The following TMEM74 variants were observed in gnomAD, a reference collection of about 807,000 sequenced individuals.
TMEM74 encodes the protein transmembrane protein 74.
Under a neutral mutation model 18.1 loss-of-function variants are expected in TMEM74, and 13 were observed. The observed-to-expected ratio is 0.72, with a 90% CI of 0.47 to 1.14. The LOEUF is 1.14. TMEM74 is among the 50% of genes most tolerant of loss of function. The pLI, the probability that TMEM74 is intolerant of heterozygous loss-of-function variation, is 0.00. For missense variants in TMEM74, 372 were observed against 375.9 expected (o/e 0.99, Z 0.09); for synonymous variants, 159 against 146.6 (o/e 1.08, Z -0.61).
At chr8:108,714,569 A>T (rs1380288975) in intron 1 of TMEM74, among the ~76,000 whole-genome samples, 1 of 152,236 alleles carries the variant, frequency 6.6e-6, no homozygotes, top group African/African-American at 2.4e-5. Flanking sequence ...GGGAACGCTT[A>T]TACACTGTTG....
intron 1 of TMEM74, among the ~76,000 whole-genome samples, chr8:108,661,987 A>C (rs1030964413): frequency 2.0e-5 from 3 of 152,150 alleles, no homozygotes; most frequent in Non-Finnish European, 4.4e-5. Context: ...TCCATCTCTG[A>C]TTTTCTACGA....
At chr8:108,764,179 G>T (rs1335292181) in intron 1 of TMEM74, among the ~76,000 whole-genome samples, 1 of 152,132 alleles carries the variant, frequency 6.6e-6, no homozygotes, top group Non-Finnish European at 1.5e-5. Flanking sequence ...CTCAATGGCA[G>T]ATTCAGTCTA....
At chr8:108,639,333 T>C (rs1219615759) in intron 2 of TMEM74, among the ~76,000 whole-genome samples, 3 of 152,156 alleles carry the variant, frequency 2.0e-5, no homozygotes, top group Non-Finnish European at 4.4e-5. Context: ...TTCCAGACTG[T>C]TTGACTCTAA....
chr8:108,767,156 G>A (rs533882383), intron 1 of TMEM74, among the ~76,000 whole-genome samples: 1 of 152,134 alleles, frequency 6.6e-6, no homozygotes, highest in Non-Finnish European at 1.5e-5. Context: ...AACCATCACA[G>A]TCTGAAACCT....
chr8:108,701,750 T>A (rs1174397069), intron 1 of TMEM74, among the ~76,000 whole-genome samples: 1 of 152,114 alleles, frequency 6.6e-6, no homozygotes, highest in Non-Finnish European at 1.5e-5. Flanking sequence ...AAAAAAGAAC[T>A]AAATAAACAG....
intron 1 of TMEM74, among the ~76,000 whole-genome samples, chr8:108,708,476 G>A (rs555670574): frequency 3.9e-5 from 6 of 152,062 alleles, no homozygotes; most frequent in Admixed American, 6.6e-5. Flanking sequence ...CTTTTGCAAC[G>A]GCTGAACTAA....
chr8:108,757,887 A>T (rs1813995887), intron 1 of TMEM74, among the ~76,000 whole-genome samples: 1 of 151,968 alleles, frequency 6.6e-6, no homozygotes, highest in African/African-American at 2.4e-5. Context: ...TGAAGCTTTG[A>T]TGTCCTGAAG....
Position 108,783,400 on chromosome 8 carries a change from C to A in TMEM74, c.*781G>T, listed in dbSNP as rs1814332635. On this transcript the variant is annotated 3_prime_UTR_variant, in exon 2 of 2. Coordinates refer to ENST00000297459, the MANE Select transcript of TMEM74 (RefSeq NM_153015.3). ...CAGCAGACTTCAAGAGCACAGATAACCAGTATGATGGCAAAATCACAAAAT... is the reference window on the plus strand; with the variant it reads ...CAGCAGACTTCAAGAGCACAGATAAACAGTATGATGGCAAAATCACAAAAT... 6.6e-6 allele frequency: 1 copy of A among 152,210 alleles called. No individual in the cohort carries two copies. Among genetic ancestry groups the A allele is most frequent in the African/African-American group, 2.4e-5 (1 of 41,430 alleles). The allele number at this position is 152,210 out of a possible 1,614,324, so 9.4% of individuals were successfully genotyped here.
At chr8:108,685,367 A>C (rs890852790) in intron 1 of TMEM74, among the ~76,000 whole-genome samples, 4 of 152,100 alleles carry the variant, frequency 2.6e-5, no homozygotes, top group Admixed American at 2.0e-4. Flanking sequence ...TCTATATGTA[A>C]GATCAGTCAT....
At chr8:108,674,591 A>G (rs1392817384) in intron 1 of TMEM74, among the ~76,000 whole-genome samples, 3 of 152,210 alleles carry the variant, frequency 2.0e-5, no homozygotes, top group African/African-American at 7.2e-5. Flanking sequence ...CTATAATCGA[A>G]CCATGTGCTT....
intron 2 of TMEM74, among the ~76,000 whole-genome samples, chr8:108,647,160 T>C (rs1812728147): frequency 6.6e-6 from 1 of 152,168 alleles, no homozygotes; most frequent in East Asian, 1.9e-4. Context: ...CTTTGCCTTC[T>C]GCCTTATGTA....
intron 1 of TMEM74, among the ~76,000 whole-genome samples, chr8:108,664,618 G>A (rs1812931645): frequency 6.6e-6 from 1 of 152,062 alleles, no homozygotes; most frequent in Admixed American, 6.6e-5. Flanking sequence ...CTAATTGGAT[G>A]CCTTTTATTT....
intron 1 of TMEM74, among the ~76,000 whole-genome samples, chr8:108,752,606 T>C (rs1030958653): frequency 6.6e-6 from 1 of 152,080 alleles, no homozygotes; most frequent in Non-Finnish European, 1.5e-5. Context: ...AACAACCTAA[T>C]TGCATGATTT....
rs1291674684 is a variant in TMEM74, at chr8:108,779,904, A to T, written c.*4277T>A. On this transcript the variant is annotated 3_prime_UTR_variant, in exon 2 of 2. Coordinates refer to ENST00000297459, the MANE Select transcript of TMEM74 (RefSeq NM_153015.3). ...TGTCAATTCACTAGGCAGGCAAATT[A>T]TTTCCCAAGACTTATAAAATTTGTG... Among the ~76,000 whole-genome samples the T allele has an allele frequency of 6.6e-6, 1 of 152,186 alleles. No homozygotes were observed. The highest frequency in any genetic ancestry group is 1.5e-5 in the Non-Finnish European group (1 of 68,014).
intron 2 of TMEM74, among the ~76,000 whole-genome samples, chr8:108,647,881 T>G (rs1812735902): frequency 6.6e-6 from 1 of 151,984 alleles, no homozygotes. Context: ...AGGAACACTA[T>G]GGGGTTTGGG....
chr8:108,742,506 G>A (rs1023809009), intron 1 of TMEM74, among the ~76,000 whole-genome samples: 2 of 152,132 alleles, frequency 1.3e-5, no homozygotes, highest in Non-Finnish European at 2.9e-5. Flanking sequence ...TTCTGACAGC[G>A]AATCTAAGAC....
intron 2 of TMEM74, among the ~76,000 whole-genome samples, chr8:108,649,563 A>C (rs1251868776): frequency 6.6e-6 from 1 of 152,208 alleles, no homozygotes; most frequent in African/African-American, 2.4e-5. Context: ...TAAGTATCTT[A>C]TTAGGTCGGT....
At chr8:108,666,594 C>T (rs1436644314) in intron 1 of TMEM74, among the ~76,000 whole-genome samples, 1 of 152,132 alleles carries the variant, frequency 6.6e-6, no homozygotes, top group Non-Finnish European at 1.5e-5. Flanking sequence ...TAATGTACCC[C>T]TGCATAGCTT....
chr8:108,779,363 G>A lies in TMEM74; in HGVS notation c.*4818C>T, dbSNP rs778971450. On this transcript the variant is annotated 3_prime_UTR_variant, in exon 2 of 2. Coordinates refer to ENST00000297459, the MANE Select transcript of TMEM74 (RefSeq NM_153015.3). ...TTGGAGCCTGGCTAGGAAGCCTGAA[G>A]ATGGCAGTGAAAAAATAGGGAGAGC... Among the ~76,000 whole-genome samples the A allele has an allele frequency of 2.6e-5, 4 of 152,132 alleles. No individual in the cohort carries two copies. The highest frequency in any genetic ancestry group is 5.9e-5 in the Non-Finnish European group (4 of 68,022).
Sources: allele counts gnomAD v4.1 joint callset (sites outside exome capture counted in the v4.1 genomes callset), GRCh38; gene constraint gnomAD v4.1.1; transcripts MANE v1.5; gene names NCBI Gene and HGNC (gene_info 2026-07-23, HGNC 2026-07-21).